Variants in SIK2 observed in about 807,000 individuals in gnomAD.
SIK2 encodes serine/threonine-protein kinase SIK2.
SIK2 carries 29 observed loss-of-function variants against 103.2 expected under a neutral mutation model. That is an observed-to-expected ratio of 0.28 (90% CI 0.21 to 0.38). The LOEUF (loss-of-function observed/expected upper bound fraction) is 0.38. SIK2 is among the 10% of genes least tolerant of loss of function. The pLI is 1.00. For missense variants in SIK2, 879 were observed against 1,171.0 expected (o/e 0.75, Z 3.64); for synonymous variants, 412 against 446.1 (o/e 0.92, Z 0.96).
chr11:111,604,052 T>C lies in SIK2; in HGVS notation c.135+1354T>C, dbSNP rs373928791. 1.3e-3 allele frequency among the ~76,000 whole-genome samples: 201 copies of C among 152,392 alleles called. No homozygotes were observed. The South Asian group carries it at 0.019, about 15-fold the overall frequency. On this transcript the variant is annotated intron_variant, in intron 1 of 14. Coordinates refer to ENST00000304987, the MANE Select transcript of SIK2 (RefSeq NM_015191.3). ...CCTGAACCAGTCCAAATCTGACTTA[T>C]CTTTTAGAATCAGGACCAAGGTCAG...
chr11:111,630,176 CAT>C (rs1942018473), intron 3 of SIK2, among the ~76,000 whole-genome samples: 1 of 152,100 alleles, frequency 6.6e-6, no homozygotes, highest in African/African-American at 2.4e-5. Flanking sequence ...CAACAACATG[CAT>C]ACATCTTACA....
Position 111,727,410 on chromosome 11 carries a change from C to A in SIK2, c.*3281C>A, listed in dbSNP as rs1944008912. The A allele has an allele frequency of 3.5e-6, 1 of 282,666 alleles. No individual in the cohort carries two copies. Among genetic ancestry groups the A allele is most frequent in the Non-Finnish European group, 6.8e-6 (1 of 148,050 alleles). The allele number at this position is 282,666 out of a possible 1,614,324, so 17.5% of individuals were successfully genotyped here. ...AAGTGTTTAAACCGTATGCTGGAGT[C>A]AGTGGTTGGGACAGACAGGAGCCCA... On this transcript the variant is annotated 3_prime_UTR_variant, in exon 15 of 15. Transcript: ENST00000304987.
In SIK2 at chr11:111,707,719, A is replaced by AT. The variant is rs555758862; in HGVS notation, c.1101+2587dup. Among the ~76,000 whole-genome samples, 12 of 152,238 alleles carry AT rather than the reference A, an allele frequency of 7.9e-5. No homozygotes were observed. The South Asian group carries it at 2.3e-3, about 29-fold the overall frequency. The stretch of plus-strand genomic sequence containing the variant: ...CTCACTTTAATTCCTTGATGTTCTA[A>AT]TTTTTTTAAAAGAAGTGGCAAATCA... On this transcript the variant is annotated intron_variant, in intron 8 of 14. Coordinates refer to ENST00000304987, the MANE Select transcript of SIK2 (RefSeq NM_015191.3).
intron 3 of SIK2, among the ~76,000 whole-genome samples, chr11:111,641,933 T>C (rs1942188781): frequency 6.6e-6 from 1 of 152,176 alleles, no homozygotes; most frequent in Non-Finnish European, 1.5e-5. Flanking sequence ...AGGTTCTCAT[T>C]TGTAAAATAG....
chr11:111,689,104 A>G (rs181647195), intron 4 of SIK2, among the ~76,000 whole-genome samples: 1 of 152,330 alleles, frequency 6.6e-6, no homozygotes, highest in Non-Finnish European at 1.5e-5. Flanking sequence ...AGGCAGGTAG[A>G]CAGAGATTGG....
At chr11:111,663,069 C>T (rs1197902483) in intron 3 of SIK2, among the ~76,000 whole-genome samples, 1 of 151,432 alleles carries the variant, frequency 6.6e-6, no homozygotes, top group Non-Finnish European at 1.5e-5. Context: ...CCCATCTCTA[C>T]AAAAAATACA....
At chr11:111,623,666 C>A (rs1316161371) in intron 3 of SIK2, among the ~76,000 whole-genome samples, 1 of 152,200 alleles carries the variant, frequency 6.6e-6, no homozygotes, top group Non-Finnish European at 1.5e-5. Context: ...CAAGTAGGAA[C>A]AGGCACCATT....
At chr11:111,680,369 A>G (rs1452588219) in intron 3 of SIK2, among the ~76,000 whole-genome samples, 1 of 152,174 alleles carries the variant, frequency 6.6e-6, no homozygotes, top group African/African-American at 2.4e-5. Flanking sequence ...TGAAGTCTGC[A>G]GATTTGTGGG....
intron 4 of SIK2, among the ~76,000 whole-genome samples, chr11:111,698,456 C>A (rs888042844): frequency 3.3e-5 from 5 of 152,082 alleles, no homozygotes. Flanking sequence ...TTAAAACTTA[C>A]CAATGGGCCA....
intron 2 of SIK2, among the ~76,000 whole-genome samples, chr11:111,618,815 C>T (rs1941843420): frequency 6.6e-6 from 1 of 152,216 alleles, no homozygotes; most frequent in South Asian, 2.1e-4. Context: ...ACTGCAGCTT[C>T]AAACTCATGG....
chr11:111,649,959 T>A (rs548364716), intron 3 of SIK2, among the ~76,000 whole-genome samples: 22 of 152,188 alleles, frequency 1.4e-4, no homozygotes, highest in Non-Finnish European at 2.9e-4. Flanking sequence ...GGCAGAAAAA[T>A]AGTTTAGTGG....
chr11:111,608,684 A>G (rs1941679639), intron 1 of SIK2, among the ~76,000 whole-genome samples: 1 of 152,224 alleles, frequency 6.6e-6, no homozygotes, highest in Non-Finnish European at 1.5e-5. Context: ...TATTTAATCA[A>G]TTTCCTATTA....
intron 8 of SIK2, among the ~76,000 whole-genome samples, chr11:111,706,323 A>C (rs949823867): frequency 2.6e-4 from 39 of 152,304 alleles, no homozygotes; most frequent in African/African-American, 9.4e-4. Flanking sequence ...GAGCCTGAGA[A>C]GATAGGGGTG....
At chr11:111,721,179 T>G (rs145173016) in intron 12 of SIK2, 117 bp downstream of exon 12, 1 of 1,271,108 alleles carries the variant, frequency 7.9e-7, no homozygotes, top group Admixed American at 2.8e-5. Context: ...ACAGGCTGTT[T>G]GGGAAAACCC....
At chr11:111,697,833 A>G (rs1007555070) in intron 4 of SIK2, among the ~76,000 whole-genome samples, 1 of 152,062 alleles carries the variant, frequency 6.6e-6, no homozygotes, top group Non-Finnish European at 1.5e-5. Flanking sequence ...TCTACCCAAA[A>G]AAAGGAAAAG....
At chr11:111,635,389 G>C (rs1942093873) in intron 3 of SIK2, among the ~76,000 whole-genome samples, 1 of 139,806 alleles carries the variant, frequency 7.2e-6, no homozygotes, top group Non-Finnish European at 1.5e-5. Context: ...GGAAGGGAGG[G>C]AAGAAAGGGA....
intron 3 of SIK2, among the ~76,000 whole-genome samples, chr11:111,642,105 T>A (rs1942190990): frequency 6.6e-6 from 1 of 152,226 alleles, no homozygotes; most frequent in Non-Finnish European, 1.5e-5. Flanking sequence ...GAACGGTTTT[T>A]CACTCCCAGC....
At chr11:111,703,497 G>A (rs1943265507) in intron 7 of SIK2, 74 bp downstream of exon 7, 1 of 1,370,434 alleles carries the variant, frequency 7.3e-7, no homozygotes, top group African/African-American at 1.4e-5. Flanking sequence ...CTGTCATCCT[G>A]GTCTTTTAGC....
chr11:111,716,092 A>G (rs1472877819), intron 9 of SIK2, among the ~76,000 whole-genome samples: 2 of 152,258 alleles, frequency 1.3e-5, no homozygotes, highest in Middle Eastern at 3.4e-3. Flanking sequence ...ATGAGCCACC[A>G]TGCCCAGCCC....
Sources: gnomAD v4.1 joint callset for allele counts (sites outside exome capture counted in the v4.1 genomes callset) on GRCh38, gnomAD v4.1.1 for gene constraint, MANE v1.5 for transcripts, NCBI Gene and HGNC (gene_info 2026-07-23, HGNC 2026-07-21) for gene names.